ABCC12: variants seen among roughly 807,000 people sequenced by gnomAD.
ABCC12 encodes the protein ATP-binding cassette sub-family C member 12.
A neutral mutation model predicts 151.1 loss-of-function variants in ABCC12; 142 were observed. The ratio of observed to expected loss-of-function variants is 0.94; its 90% CI spans 0.82 to 1.08. The LOEUF (loss-of-function observed/expected upper bound fraction) is 1.08. Among genes scored for constraint, ABCC12 ranks in the 50% least tolerant of loss-of-function variants. ABCC12 has a pLI of 0.00. For missense variants in ABCC12, 1,638 were observed against 1,691.1 expected (o/e 0.97, Z 0.55); for synonymous variants, 645 against 646.4 (o/e 1.00, Z 0.03).
At chr16:48,121,967 G>A (rs1025260147) in intron 12 of ABCC12, 127 bp from the exon 13 acceptor site, 5 of 1,388,620 alleles carry the variant, frequency 3.6e-6, no homozygotes, top group Non-Finnish European at 4.9e-6. Context: ...GCGTTGACAG[G>A]ACATCTTGTC....
chr16:48,086,193 T>G (rs1210405329), intron 28 of ABCC12: 1 of 172,796 alleles, frequency 5.8e-6, no homozygotes, highest in African/African-American at 2.4e-5. Flanking sequence ...CATGCTCACC[T>G]GCTGACCCCA....
intron 3 of ABCC12, among the ~76,000 whole-genome samples, chr16:48,144,318 T>A (rs887524696): frequency 2.0e-5 from 3 of 152,232 alleles, no homozygotes; most frequent in Admixed American, 1.3e-4. Flanking sequence ...TTACCTAAGT[T>A]TTAATAAATT....
At chr16:48,121,408 C>A in intron 13 of ABCC12, 1 of 229,406 alleles carries the variant, frequency 4.4e-6, no homozygotes, top group Admixed American at 5.4e-5. Flanking sequence ...TTGCTGGATT[C>A]ACTTTTCTCT....
intron 13 of ABCC12, among the ~76,000 whole-genome samples, chr16:48,119,036 T>A (rs1442415310): frequency 1.3e-5 from 2 of 152,170 alleles, no homozygotes; most frequent in Admixed American, 6.5e-5. Flanking sequence ...GCGCAGCACA[T>A]CTTCCTCCCC....
chr16:48,104,156 G>A lies in ABCC12; in HGVS notation c.2886C>T (p.Phe962=). 6.2e-7 allele frequency: 1 copy of A among 1,613,938 alleles called. No individual in the cohort carries two copies. Among genetic ancestry groups the A allele is most frequent in the Non-Finnish European group, 8.5e-7 (1 of 1,179,990 alleles). ...CATGGGCCTACCGTAACAGAATGAA[G>A]AAGCCTACAGCAAGGCTGGCCACGA... ...LLVVASLAVG[F]FILLRIFHRG... Residue 962 remains phenylalanine (F), a synonymous_variant, in exon 22 of 31, where the codon TTC becomes TTT. Transcript: ENST00000311303.
At chr16:48,091,040 C>G (rs898420852) in intron 25 of ABCC12, 80 bp downstream of exon 25, 50 of 1,371,434 alleles carry the variant, frequency 3.6e-5, no homozygotes, top group Non-Finnish European at 4.8e-5. Context: ...AGACCCCTTT[C>G]GCATCTAAAA....
At chr16:48,124,349 G>A in intron 11 of ABCC12, 65 bp from the exon 12 acceptor site, 1 of 1,531,160 alleles carries the variant, frequency 6.5e-7, no homozygotes, top group Non-Finnish European at 9.0e-7. Flanking sequence ...CTGGCCCAAA[G>A]GTGCCACTCC....
intron 23 of ABCC12, among the ~76,000 whole-genome samples, chr16:48,097,524 C>A (rs987648475): frequency 2.6e-5 from 4 of 152,162 alleles, no homozygotes; most frequent in Non-Finnish European, 4.4e-5. Context: ...GTCCACGGAG[C>A]CAAAGGGCTT....
At chr16:48,142,846 T>C (rs1171424173) in intron 4 of ABCC12, among the ~76,000 whole-genome samples, 1 of 151,918 alleles carries the variant, frequency 6.6e-6, no homozygotes, top group Non-Finnish European at 1.5e-5. Flanking sequence ...GATCTGTGAG[T>C]GGGGGGTAAG....
At chr16:48,152,339 T>C (rs551084117) in intron 2 of ABCC12, among the ~76,000 whole-genome samples, 1 of 152,228 alleles carries the variant, frequency 6.6e-6, no homozygotes, top group South Asian at 2.1e-4. Context: ...CTGGTCTGGA[T>C]CGGAAGCAAG....
At chr16:48,088,164 ATTTT>A in intron 26 of ABCC12, 79 bp from the exon 27 acceptor site, 1 of 1,476,034 alleles carries the variant, frequency 6.8e-7, no homozygotes, top group Non-Finnish European at 9.3e-7. Context: ...AATCAGTGGG[ATTTT>A]TAATGCAATG....
intron 13 of ABCC12, among the ~76,000 whole-genome samples, chr16:48,120,524 T>C (rs1012936762): frequency 6.6e-6 from 1 of 151,736 alleles, no homozygotes; most frequent in Admixed American, 6.6e-5. Flanking sequence ...ACTATAGAAA[T>C]GTCCACGGTG....
chr16:48,083,418 G>A lies in ABCC12; in HGVS notation c.*297C>T, dbSNP rs1448907630. 3 of 347,088 alleles carry A rather than the reference G, an allele frequency of 8.6e-6. No homozygotes were observed. The highest frequency in any genetic ancestry group is 6.4e-5 in the African/African-American group (3 of 47,104). 21.5% of individuals were successfully genotyped at this position (347,088 alleles called of 1,614,324 possible). A position where few individuals can be genotyped will look rare whatever the true frequency, so the allele number is the denominator to read the frequency against. The stretch of plus-strand genomic sequence containing the variant: ...CAATATTTTCAATCTCAGGCACTGG[G>A]GTGGTTTTGGTGAAAACACATGAGG... On this transcript the variant is annotated 3_prime_UTR_variant, in exon 31 of 31. Transcript: ENST00000311303.
intron 2 of ABCC12, 184 bp from the exon 3 acceptor site, chr16:48,146,658 G>A: frequency 6.2e-6 from 3 of 480,278 alleles, no homozygotes; most frequent in Non-Finnish European, 1.1e-5. Flanking sequence ...ATGCTACGCT[G>A]AGGCTTTCTT....
chr16:48,097,355 C>T (rs924775400), intron 23 of ABCC12, among the ~76,000 whole-genome samples: 1 of 152,004 alleles, frequency 6.6e-6, no homozygotes, highest in Non-Finnish European at 1.5e-5. Context: ...GAGGAGGTCA[C>T]CTTTAGGGAA....
At position 48,121,639 on chromosome 16, in the gene ABCC12, T is replaced by C. The variant is rs1031374762; in HGVS notation, c.1712+77A>G. ...AAACTCAGAACCCACTTAGCAGTCA[T>C]TACCAACAGCATCAGCATCTGTAGG... is the stretch of plus-strand genomic sequence containing the variant. On this transcript the variant is annotated intron_variant, in intron 13 of 30. Coordinates refer to ENST00000311303, the MANE Select transcript of ABCC12 (RefSeq NM_001393797.1). 8 of 1,570,298 alleles carry C rather than the reference T, an allele frequency of 5.1e-6. No homozygotes were observed. In the African/African-American group the frequency reaches 9.5e-5, roughly 19 times the overall value.
chr16:48,128,086 T>G (rs1403903267), intron 11 of ABCC12, among the ~76,000 whole-genome samples: 2 of 152,044 alleles, frequency 1.3e-5, no homozygotes, highest in African/African-American at 4.8e-5. Context: ...ACCACTGCAC[T>G]CCAGCCTGGG....
intron 22 of ABCC12, among the ~76,000 whole-genome samples, chr16:48,102,297 G>A (rs1963334958): frequency 6.6e-6 from 1 of 152,192 alleles, no homozygotes; most frequent in Non-Finnish European, 1.5e-5. Flanking sequence ...CATTTGCATG[G>A]GGCGTACACC....
intron 21 of ABCC12, 121 bp from the exon 22 acceptor site, chr16:48,104,489 G>T: frequency 2.4e-6 from 2 of 822,446 alleles, no homozygotes; most frequent in Non-Finnish European, 3.9e-6. Context: ...ACAACACAGT[G>T]TGTCAGGTGA....
Sources: allele counts gnomAD v4.1 joint callset (sites outside exome capture counted in the v4.1 genomes callset), GRCh38; gene constraint gnomAD v4.1.1; transcripts MANE v1.5; gene names NCBI Gene and HGNC (gene_info 2026-07-23, HGNC 2026-07-21).